Variants in LARS2 observed in about 807,000 individuals in gnomAD.
LARS2 encodes the protein leucine--tRNA ligase, mitochondrial.
A neutral mutation model predicts 116.6 loss-of-function variants in LARS2; 81 were observed. That is an observed-to-expected ratio of 0.69 (90% confidence interval 0.58 to 0.84). The LOEUF (loss-of-function observed/expected upper bound fraction) is 0.84, where lower values mean the gene tolerates loss of function less well. Ranked by LOEUF, LARS2 falls within the 40% of genes least tolerant of loss-of-function variation. The pLI is 0.00. For missense variants in LARS2, 968 were observed against 1,114.5 expected (o/e 0.87, Z 1.87); for synonymous variants, 396 against 407.2 (o/e 0.97, Z 0.33).
intron 6 of LARS2, among the ~76,000 whole-genome samples, chr3:45,443,690 T>C (rs1222554517): frequency 6.6e-6 from 1 of 152,182 alleles, no homozygotes; most frequent in Non-Finnish European, 1.5e-5. Flanking sequence ...TTATGAGTGC[T>C]GTGAATATGC....
intron 15 of LARS2, among the ~76,000 whole-genome samples, chr3:45,501,546 A>G (rs1024315966): frequency 3.9e-5 from 6 of 152,198 alleles, no homozygotes; most frequent in Non-Finnish European, 8.8e-5. Context: ...ATATGGAATG[A>G]AACTTCCAAA....
chr3:45,511,925 G>A lies in LARS2; in HGVS notation c.1761-1210G>A, dbSNP rs529016042. ...CAAGCAGCGGGGACTACAGGTGCGC[G>A]CCCCCACACCTGGCCAACTTTTTGT... On this transcript the variant is annotated intron_variant, in intron 15 of 21. Transcript: ENST00000645846. Among the ~76,000 whole-genome samples the A allele has an allele frequency of 1.4e-4, 21 of 151,852 alleles. No individual in the cohort carries two copies. The South Asian group carries it at 1.5e-3, about 11-fold the overall frequency.
intron 12 of LARS2, among the ~76,000 whole-genome samples, chr3:45,489,681 T>C (rs1302363067): frequency 2.6e-5 from 4 of 152,138 alleles, no homozygotes; most frequent in Non-Finnish European, 5.9e-5. Flanking sequence ...ACATTAGAAG[T>C]TTGAGAATAC....
chr3:45,421,625 G>A (rs765455085), intron 6 of LARS2: 3 of 152,086 alleles, frequency 2.0e-5, no homozygotes, highest in Admixed American at 6.5e-5. Context: ...GGCAAGGCTG[G>A]GCTGATCCAT....
chr3:45,398,192 C>T (rs1238095783), intron 3 of LARS2, among the ~76,000 whole-genome samples: 5 of 152,182 alleles, frequency 3.3e-5, no homozygotes, highest in Admixed American at 6.5e-5. Flanking sequence ...AAGAAAAGTT[C>T]TACTCTAGTT....
rs398123037 is a variant in LARS2 at position 45,485,748 on chromosome 3, GT to G, written c.1077del (p.Ile360PhefsTer15). 9.3e-6 allele frequency: 15 copies of G among 1,611,866 alleles called. No individual in the cohort carries two copies. The highest frequency in any genetic ancestry group is 1.2e-5 in the Non-Finnish European group (14 of 1,178,926). The part of the protein sequence containing the change: ...NMLTQQEVPV[V>X]ILAKADLEGS... ...GCTTACCCAGCAGGAGGTCCCTGTC[GT>G]TATTTTGGCCAAAGCTGACTTGGAA... On this transcript the variant is annotated frameshift_variant, in exon 11 of 22. Transcript: ENST00000645846. LOFTEE classifies it high-confidence loss of function.
intron 11 of LARS2, among the ~76,000 whole-genome samples, chr3:45,486,676 C>T (rs1438069021): frequency 1.3e-5 from 2 of 152,164 alleles, no homozygotes; most frequent in African/African-American, 2.4e-5. Flanking sequence ...AGCAGAAAAT[C>T]GATGTTACTC....
chr3:45,531,914 G>A (rs1452484979), intron 20 of LARS2, among the ~76,000 whole-genome samples: 1 of 152,140 alleles, frequency 6.6e-6, no homozygotes, highest in Admixed American at 6.5e-5. Context: ...ATGCACAGTA[G>A]ATCTCCAGAA....
At chr3:45,389,035 C>G (rs1697893514) in intron 1 of LARS2, 1 of 152,170 alleles carries the variant, frequency 6.6e-6, no homozygotes, top group Non-Finnish European at 1.5e-5. Context: ...GCCCACAGGT[C>G]GTTTTCACGT....
chr3:45,485,303 C>T (rs1397497397), intron 10 of LARS2, among the ~76,000 whole-genome samples: 1 of 152,194 alleles, frequency 6.6e-6, no homozygotes, highest in East Asian at 1.9e-4. Flanking sequence ...TCTCCACTTC[C>T]ATCTTCAAGT....
chr3:45,436,281 T>A (rs1218664753), intron 6 of LARS2, among the ~76,000 whole-genome samples: 3 of 152,046 alleles, frequency 2.0e-5, no homozygotes, highest in Non-Finnish European at 4.4e-5. Context: ...ATCTTCCAGA[T>A]GATTCTGTCC....
intron 17 of LARS2, among the ~76,000 whole-genome samples, chr3:45,517,005 G>T (rs952782739): frequency 1.3e-5 from 2 of 152,194 alleles, no homozygotes; most frequent in African/African-American, 4.8e-5. Flanking sequence ...GGAAACTTGA[G>T]CCTTGTGTGA....
At chr3:45,541,772 C>G in intron 20 of LARS2, 57 bp from the exon 21 acceptor site, 1 of 1,597,588 alleles carries the variant, frequency 6.3e-7, no homozygotes, top group Non-Finnish European at 8.5e-7. Flanking sequence ...TGGTCCTGCT[C>G]TCATAAGCCT....
At chr3:45,429,214 T>C (rs1385630832) in intron 6 of LARS2, among the ~76,000 whole-genome samples, 1 of 152,174 alleles carries the variant, frequency 6.6e-6, no homozygotes. Flanking sequence ...GGTCAGAAGT[T>C]TGGGTGAGCT....
At chr3:45,456,570 G>A (rs997615301) in intron 7 of LARS2, among the ~76,000 whole-genome samples, 2 of 152,180 alleles carry the variant, frequency 1.3e-5, no homozygotes, top group Admixed American at 6.5e-5. Flanking sequence ...GTGACAGAGT[G>A]AGACCCTGTC....
At chr3:45,495,915 A>G (rs1398472277) in intron 13 of LARS2, among the ~76,000 whole-genome samples, 2 of 151,780 alleles carry the variant, frequency 1.3e-5, no homozygotes, top group Non-Finnish European at 2.9e-5. Context: ...GGTGGAGTGC[A>G]ATGGCACGAT....
intron 13 of LARS2, among the ~76,000 whole-genome samples, chr3:45,495,690 G>C (rs1264596960): frequency 6.6e-6 from 1 of 152,228 alleles, no homozygotes; most frequent in Non-Finnish European, 1.5e-5. Flanking sequence ...ATCCTGTCTT[G>C]TCCTTTTGGA....
chr3:45,546,517 TA>T (rs1227077052), intron 21 of LARS2, among the ~76,000 whole-genome samples: 2 of 152,220 alleles, frequency 1.3e-5, no homozygotes, highest in Non-Finnish European at 2.9e-5. Context: ...AGTGGGTGAT[TA>T]GGGGACATTT....
At chr3:45,415,284 A>G (rs1208689349) in intron 4 of LARS2, among the ~76,000 whole-genome samples, 1 of 152,218 alleles carries the variant, frequency 6.6e-6, no homozygotes, top group Non-Finnish European at 1.5e-5. Flanking sequence ...TCTTTGGAGA[A>G]TGAAAATATC....
Sources: allele counts gnomAD v4.1 joint callset (sites outside exome capture counted in the v4.1 genomes callset), GRCh38; gene constraint gnomAD v4.1.1; transcripts MANE v1.5; gene names NCBI Gene and HGNC (gene_info 2026-07-23, HGNC 2026-07-21).